The following TENM3 variants were observed in gnomAD, a reference collection of about 807,000 sequenced individuals.
TENM3 encodes teneurin transmembrane protein 3.
Under a neutral mutation model 255.1 loss-of-function variants are expected in TENM3, and 63 were observed. That is an observed-to-expected ratio of 0.25 (90% CI 0.20 to 0.30). The LOEUF is 0.30. Among genes scored for constraint, TENM3 ranks in the 10% least tolerant of loss-of-function variants. The pLI is 1.00. For synonymous variants in TENM3, 1,306 were observed against 1,322.3 expected (o/e 0.99, Z 0.27); for missense variants, 2,929 against 3,461.1 (o/e 0.85, Z 3.86).
intron 4 of TENM3, among the ~76,000 whole-genome samples, chr4:182,621,638 TATAATAC>T (rs1750171651): frequency 4.4e-5 from 3 of 67,834 alleles, no homozygotes; most frequent in Non-Finnish European, 6.3e-5. Flanking sequence ...ATATATAATA[TATAATAC>T]ATATTATAAT....
the TENM3 span, among the ~76,000 whole-genome samples, chr4:181,952,270 T>C: frequency 1.3e-5 from 2 of 152,238 alleles, no homozygotes; most frequent in African/African-American, 4.8e-5. Context: ...CTTTCTTTGT[T>C]TGTATAATGA....
the TENM3 span, among the ~76,000 whole-genome samples, chr4:181,754,815 C>T: frequency 2.4e-4 from 37 of 152,246 alleles, no homozygotes; most frequent in Non-Finnish European, 4.0e-4. Context: ...CCATGTCTGA[C>T]ATTTCTATTC....
At chr4:182,065,741 C>T in the TENM3 span, among the ~76,000 whole-genome samples, 2 of 152,214 alleles carry the variant, frequency 1.3e-5, no homozygotes, top group African/African-American at 4.8e-5. Flanking sequence ...TCATCACACA[C>T]ATCCATGTTC....
At chr4:182,384,811 C>T (rs1042276516) in intron 3 of TENM3, among the ~76,000 whole-genome samples, 2 of 152,052 alleles carry the variant, frequency 1.3e-5, no homozygotes, top group African/African-American at 4.8e-5. Flanking sequence ...CCTTTATTCC[C>T]TCTTGCCCAC....
At chr4:182,008,348 TC>T in the TENM3 span, among the ~76,000 whole-genome samples, 2 of 152,128 alleles carry the variant, frequency 1.3e-5, no homozygotes, top group Non-Finnish European at 2.9e-5. Flanking sequence ...GTTTCCATTC[TC>T]CCCATCTCCT....
chr4:182,039,273 G>A, the TENM3 span, among the ~76,000 whole-genome samples: 1 of 152,100 alleles, frequency 6.6e-6, no homozygotes, highest in Non-Finnish European at 1.5e-5. Flanking sequence ...TGATCTGTGG[G>A]CACGGATTGC....
chr4:182,154,312 T>C (rs945880907), intron 1 of TENM3, among the ~76,000 whole-genome samples: 1 of 152,082 alleles, frequency 6.6e-6, no homozygotes, highest in African/African-American at 2.4e-5. Context: ...TAGGAAGCTT[T>C]GTGGATAAGC....
At chr4:182,278,619 C>T (rs17072951) in intron 1 of TENM3, among the ~76,000 whole-genome samples, 12,682 of 150,248 alleles carry the variant, frequency 0.084, 1,033 homozygotes, top group African/African-American at 0.21. Context: ...TACCTCACCA[C>T]TGGCTTATCA....
chr4:181,970,552 A>C, the TENM3 span, among the ~76,000 whole-genome samples: 1 of 152,296 alleles, frequency 6.6e-6, no homozygotes, highest in African/African-American at 2.4e-5. Context: ...CTCCTTGAGA[A>C]TTTTTCCACC....
At chr4:181,780,391 T>C in the TENM3 span, among the ~76,000 whole-genome samples, 302 of 152,350 alleles carry the variant, frequency 2.0e-3, 1 homozygote, top group African/African-American at 6.3e-3. Context: ...TGGCCAGTGA[T>C]GATGAGCATT....
the TENM3 span, among the ~76,000 whole-genome samples, chr4:182,036,406 G>C: frequency 1.3e-5 from 2 of 152,082 alleles, no homozygotes; most frequent in South Asian, 2.1e-4. Context: ...GGCCAGGCTG[G>C]TCTGGAACTC....
chr4:182,134,830 T>C, the TENM3 span, among the ~76,000 whole-genome samples: 2 of 152,154 alleles, frequency 1.3e-5, no homozygotes, highest in East Asian at 1.9e-4. Flanking sequence ...TACTGTTTCA[T>C]GGCTTTATTC....
At chr4:181,792,752 C>T in the TENM3 span, among the ~76,000 whole-genome samples, 42 of 152,232 alleles carry the variant, frequency 2.8e-4, no homozygotes, top group African/African-American at 9.6e-4. Context: ...CAAATTTGCA[C>T]TTGTTTTCAA....
chr4:182,755,773 C>G (rs574288341), intron 22 of TENM3, among the ~76,000 whole-genome samples: 19 of 151,522 alleles, frequency 1.3e-4, no homozygotes, highest in South Asian at 1.2e-3. Context: ...CCGGGAGGCG[C>G]AGCTTGCAGT....
intron 3 of TENM3, among the ~76,000 whole-genome samples, chr4:182,389,950 G>T (rs1768310270): frequency 6.6e-6 from 1 of 152,182 alleles, no homozygotes; most frequent in Non-Finnish European, 1.5e-5. Flanking sequence ...CTCTCAAAGT[G>T]CTGGGATTAC....
the TENM3 span, among the ~76,000 whole-genome samples, chr4:181,542,444 A>G: frequency 6.6e-6 from 1 of 152,216 alleles, no homozygotes; most frequent in Non-Finnish European, 1.5e-5. Flanking sequence ...CTGTTTATGA[A>G]GGAATAATGG....
At chr4:181,947,727 G>GA in the TENM3 span, among the ~76,000 whole-genome samples, 1,560 of 148,078 alleles carry the variant, frequency 0.011, 12 homozygotes, top group African/African-American at 0.021. Context: ...AGCCAAAAAA[G>GA]AAAAAAAAAA....
intron 3 of TENM3, among the ~76,000 whole-genome samples, chr4:182,437,329 C>T (rs1305575602): frequency 6.6e-6 from 1 of 151,990 alleles, no homozygotes; most frequent in Non-Finnish European, 1.5e-5. Flanking sequence ...AGGGAAAAAC[C>T]TTAAGAAAAT....
At chr4:182,354,704 G>A (rs1409333708) in intron 3 of TENM3, among the ~76,000 whole-genome samples, 3 of 152,102 alleles carry the variant, frequency 2.0e-5, no homozygotes, top group African/African-American at 4.8e-5. Context: ...TGACGAGATC[G>A]TTTTCCATAA....
Sources: gnomAD v4.1 joint callset for allele counts (sites outside exome capture counted in the v4.1 genomes callset) on GRCh38, gnomAD v4.1.1 for gene constraint, MANE v1.5 for transcripts, NCBI Gene and HGNC (gene_info 2026-07-23, HGNC 2026-07-21) for gene names.